Variants in SLC30A7 observed in about 807,000 individuals in gnomAD.
The protein encoded by SLC30A7 is zinc transporter 7.
SLC30A7 carries 35 observed loss-of-function variants against 46.0 expected under a neutral mutation model. That is an observed-to-expected ratio of 0.76 (90% CI 0.58 to 1.01). SLC30A7 has a LOEUF of 1.01. SLC30A7 is among the 50% of genes least tolerant of loss of function. The pLI is 0.00. For missense variants in SLC30A7, 464 were observed against 451.1 expected, an observed-to-expected ratio of 1.03 and a Z score of -0.26; for synonymous variants, 147 against 157.8, an observed-to-expected ratio of 0.93 and a Z score of 0.51.
At chr1:100,993,603 T>TATATC in the SLC30A7 span, among the ~76,000 whole-genome samples, 1 of 132,128 alleles carries the variant, frequency 7.6e-6, no homozygotes, top group Non-Finnish European at 1.6e-5. Flanking sequence ...TATATAGCTA[T>TATATC]TGTGGCTTAC....
chr1:100,937,212 C>T (rs1460046878), intron 8 of SLC30A7, among the ~76,000 whole-genome samples: 1 of 152,090 alleles, frequency 6.6e-6, no homozygotes, highest in East Asian at 1.9e-4. Flanking sequence ...AGAAACTGCT[C>T]AATTGCAAAT....
chr1:100,910,746 GTT>G (rs1652029063), intron 3 of SLC30A7, among the ~76,000 whole-genome samples: 1 of 152,048 alleles, frequency 6.6e-6, no homozygotes, highest in Admixed American at 6.5e-5. Flanking sequence ...GTCTGGTTCT[GTT>G]TTTCCTTCTC....
chr1:100,973,512 T>C (rs983698901), intron 10 of SLC30A7, among the ~76,000 whole-genome samples: 1 of 152,144 alleles, frequency 6.6e-6, no homozygotes, highest in East Asian at 1.9e-4. Flanking sequence ...GAGTCAGCAA[T>C]GTAAAGAAGA....
At chr1:100,984,784 T>A (rs1235476664), downstream of SLC30A7, among the ~76,000 whole-genome samples, 1 of 152,170 alleles carries the variant, frequency 6.6e-6, no homozygotes, top group Non-Finnish European at 1.5e-5. Flanking sequence ...TGCAAAAAAT[T>A]TCAACTTACA....
At chr1:100,962,056 T>G (rs1488385990) in intron 9 of SLC30A7, 138 bp downstream of exon 9, 2 of 517,550 alleles carry the variant, frequency 3.9e-6, no homozygotes, top group Non-Finnish European at 6.9e-6. Context: ...GAAATGTCAT[T>G]TATACAAACC....
chr1:100,990,147 C>T, the SLC30A7 span: 1 of 443,534 alleles, frequency 2.3e-6, no homozygotes, highest in Non-Finnish European at 4.1e-6. Context: ...CGGTGGAAGG[C>T]ACCTCTTCAC....
At position 100,921,744 on chromosome 1, in the gene SLC30A7, A is replaced by G; in HGVS notation, c.745A>G (p.Ile249Val). 1 of 1,612,258 alleles carries G rather than the reference A, an allele frequency of 6.2e-7. No individual in the cohort carries two copies. The highest frequency in any genetic ancestry group is 8.5e-7 in the Non-Finnish European group (1 of 1,178,776). ...TATCCTAGCAGATACACTTGGAAGT[A>G]TTGGTGTAATTGCTTCTGCCATCAT... ...LHILADTLGSIGVIASAIMMQ... is the reference protein window; with the variant it reads ...LHILADTLGSVGVIASAIMMQ... The change falls in exon 8 of 11, where the codon ATT (isoleucine) becomes GTT (valine). Residue 249 changes from isoleucine (I) to valine (V), a missense_variant. By Grantham distance (29) the Ile-to-Val change is conservative (BLOSUM62 3). Coordinates refer to ENST00000357650, the MANE Select transcript of SLC30A7 (RefSeq NM_133496.5).
At chr1:100,952,457 C>T (rs146317139) in intron 8 of SLC30A7, among the ~76,000 whole-genome samples, 26 of 152,278 alleles carry the variant, frequency 1.7e-4, no homozygotes, top group Non-Finnish European at 3.4e-4. Flanking sequence ...TAATTCTTGC[C>T]TGCCTTTCTT....
intron 10 of SLC30A7, among the ~76,000 whole-genome samples, chr1:100,969,704 A>T (rs936078757): frequency 6.6e-6 from 1 of 152,212 alleles, no homozygotes; most frequent in African/African-American, 2.4e-5. Context: ...CCTAAGGTCA[A>T]GTCTACTTTA....
chr1:100,988,851 AAAAT>A, the SLC30A7 span, among the ~76,000 whole-genome samples: 13 of 152,140 alleles, frequency 8.5e-5, no homozygotes, highest in East Asian at 1.2e-3. Flanking sequence ...CTGTGTCTCA[AAAAT>A]AAATAAATAA....
At chr1:100,984,526 A>G (rs190609294), downstream of SLC30A7, among the ~76,000 whole-genome samples, 1 of 152,326 alleles carries the variant, frequency 6.6e-6, no homozygotes, top group African/African-American at 2.4e-5. Context: ...ACGACTTCGT[A>G]AGTCCCAAAT....
chr1:100,926,856 G>T (rs1653336129), intron 8 of SLC30A7, among the ~76,000 whole-genome samples: 1 of 152,204 alleles, frequency 6.6e-6, no homozygotes, highest in Non-Finnish European at 1.5e-5. Flanking sequence ...CTGTCAGTTG[G>T]TGACAAATGC....
the SLC30A7 span, chr1:100,995,380 C>T: frequency 2.5e-6 from 1 of 399,452 alleles, no homozygotes; most frequent in Non-Finnish European, 4.7e-6. Context: ...CATCTAATTT[C>T]CTTTTGGAAA....
chr1:100,992,744 T>C, the SLC30A7 span: 104 of 1,605,752 alleles, frequency 6.5e-5, 1 homozygote, highest in East Asian at 2.2e-3. Context: ...CCTTCCCCTA[T>C]AGGCAGAAAA....
At chr1:100,915,868 C>T (rs1652510097) in intron 6 of SLC30A7, among the ~76,000 whole-genome samples, 1 of 152,086 alleles carries the variant, frequency 6.6e-6, no homozygotes, top group Admixed American at 6.5e-5. Context: ...ATAGTGTCTG[C>T]ACCAGTTTAC....
chr1:100,989,165 G>A, the SLC30A7 span, among the ~76,000 whole-genome samples: 1 of 152,160 alleles, frequency 6.6e-6, no homozygotes, highest in Admixed American at 6.5e-5. Flanking sequence ...CTAGTAAGAA[G>A]AGTGTGACTA....
In SLC30A7 at chr1:100,977,839, C is replaced by T. The variant is rs41306171; in HGVS notation, c.*2982C>T. 17,159 of 152,248 alleles carry T rather than the reference C, an allele frequency of 0.11. 1,018 individuals carry two copies. The highest frequency in any genetic ancestry group is 0.2 in the Middle Eastern group (59 of 294). The allele number at this position is 152,248 out of a possible 1,614,324, so 9.4% of individuals were successfully genotyped here. A position where few individuals can be genotyped will look rare whatever the true frequency, so the allele number is the denominator to read the frequency against. ...CGCAGTCTCAGCTCACTGCAACCTC[C>T]ACCTCCCGGGTTCAAGTGATTCTCC... On this transcript the variant is annotated 3_prime_UTR_variant, in exon 11 of 11. Coordinates refer to ENST00000357650, the MANE Select transcript of SLC30A7 (RefSeq NM_133496.5).
intron 8 of SLC30A7, among the ~76,000 whole-genome samples, chr1:100,950,857 T>C (rs1336644456): frequency 6.6e-6 from 1 of 152,176 alleles, no homozygotes; most frequent in Non-Finnish European, 1.5e-5. Flanking sequence ...GCAAGTAGTT[T>C]ATCTGGGAGG....
At chr1:100,986,257 A>G, downstream of SLC30A7, among the ~76,000 whole-genome samples, 1 of 152,110 alleles carries the variant, frequency 6.6e-6, no homozygotes, top group Admixed American at 6.5e-5. Context: ...TAAAAATACA[A>G]AATTGGCTGG....
Sources: gnomAD v4.1 joint callset for allele counts (sites outside exome capture counted in the v4.1 genomes callset) on GRCh38, gnomAD v4.1.1 for gene constraint, MANE v1.5 for transcripts, NCBI Gene and HGNC (gene_info 2026-07-23, HGNC 2026-07-21) for gene names.